The following TANC2 variants were observed in gnomAD, a reference collection of about 807,000 sequenced individuals.
The protein encoded by TANC2 is tetratricopeptide repeat, ankyrin repeat and coiled-coil containing 2.
A neutral mutation model predicts 210.5 loss-of-function variants in TANC2; 26 were observed. That is an observed-to-expected ratio of 0.12 (90% CI 0.09 to 0.17). TANC2 has a LOEUF of 0.17. Ranked by LOEUF, TANC2 falls within the 10% of genes least tolerant of loss-of-function variation. The pLI is 1.00. For synonymous variants in TANC2, 931 were observed against 967.1 expected, an observed-to-expected ratio of 0.96 and a Z score of 0.69; for missense variants, 2,129 against 2,608.9, an observed-to-expected ratio of 0.82 and a Z score of 4.01.
intron 21 of TANC2, 66 bp from the exon 22 acceptor site, chr17:63,411,444 GC>G: frequency 1.3e-6 from 2 of 1,484,678 alleles, no homozygotes; most frequent in Non-Finnish European, 1.8e-6. Context: ...TGCCCCTTCA[GC>G]GTACTTCCCC....
intron 4 of TANC2, among the ~76,000 whole-genome samples, chr17:63,129,632 A>G (rs2038845173): frequency 6.6e-6 from 1 of 152,118 alleles, no homozygotes; most frequent in African/African-American, 2.4e-5. Flanking sequence ...GAGGCTGAAC[A>G]TAAGTAGCTG....
chr17:63,188,655 G>A (rs1314990544), intron 5 of TANC2, among the ~76,000 whole-genome samples: 21 of 151,672 alleles, frequency 1.4e-4, no homozygotes. Context: ...TTCTCCCAGT[G>A]TCATTTTCCC....
chr17:63,235,172 TTTTC>T (rs748656452), intron 7 of TANC2, among the ~76,000 whole-genome samples: 135 of 152,270 alleles, frequency 8.9e-4, no homozygotes, highest in Non-Finnish European at 1.8e-3. Context: ...TTTGGAAAGA[TTTTC>T]TGAGTTTCAG....
intron 2 of TANC2, among the ~76,000 whole-genome samples, chr17:63,046,457 G>A (rs766455699): frequency 2.0e-5 from 3 of 147,208 alleles, no homozygotes; most frequent in Admixed American, 7.0e-5. Flanking sequence ...GCAGCCTCCC[G>A]AGTAGCTGAG....
intron 1 of TANC2, among the ~76,000 whole-genome samples, chr17:62,972,108 G>C (rs2143252356): frequency 6.6e-6 from 1 of 152,138 alleles, no homozygotes; most frequent in Non-Finnish European, 1.5e-5. Context: ...TTTTTTTCTA[G>C]AAGGGTCAAA....
intron 7 of TANC2, among the ~76,000 whole-genome samples, chr17:63,215,615 A>G (rs1257161901): frequency 6.6e-6 from 1 of 152,210 alleles, no homozygotes; most frequent in Non-Finnish European, 1.5e-5. Context: ...ACCCTAAATG[A>G]TGGGGTACAG....
intron 19 of TANC2, among the ~76,000 whole-genome samples, chr17:63,400,522 TTTGC>T (rs1446495434): frequency 6.6e-6 from 1 of 152,202 alleles, no homozygotes; most frequent in Non-Finnish European, 1.5e-5. Context: ...ACTTCATGTG[TTTGC>T]TTGTAATCAG....
At chr17:63,262,491 A>G (rs535385900) in intron 8 of TANC2, among the ~76,000 whole-genome samples, 3 of 152,226 alleles carry the variant, frequency 2.0e-5, no homozygotes, top group East Asian at 1.9e-4. Context: ...CACCCAGCTG[A>G]TATTTGTAAC....
intron 9 of TANC2, among the ~76,000 whole-genome samples, chr17:63,281,485 A>G (rs1023406538): frequency 3.9e-5 from 6 of 152,172 alleles, no homozygotes; most frequent in African/African-American, 1.4e-4. Flanking sequence ...CCAGAAGCTG[A>G]AAGAACTTTT....
chr17:63,146,603 A>G (rs564518870), intron 4 of TANC2, among the ~76,000 whole-genome samples: 49 of 152,196 alleles, frequency 3.2e-4, no homozygotes, highest in African/African-American at 1.0e-3. Flanking sequence ...GTCTGCCTCC[A>G]TACTGTTCTC....
intron 2 of TANC2, among the ~76,000 whole-genome samples, chr17:63,012,899 C>T (rs1478560811): frequency 6.6e-6 from 1 of 152,106 alleles, no homozygotes; most frequent in Non-Finnish European, 1.5e-5. Flanking sequence ...AAGTGATCTT[C>T]CTGCCTTGAC....
At position 63,399,727 on chromosome 17, in the gene TANC2, A is replaced by G. The variant is rs950341490; in HGVS notation, c.3331+813A>G. Among the ~76,000 whole-genome samples the G allele has an allele frequency of 9.9e-5, 15 of 152,210 alleles. 1 individual carries two copies. Among genetic ancestry groups the G allele is most frequent in the African/African-American group, 2.9e-4 (12 of 41,456 alleles). On this transcript the variant is annotated intron_variant, in intron 19 of 27. Coordinates refer to ENST00000689528, the Ensembl canonical transcript of TANC2. ...GAATATTTTACTAAACAAGAAGGGT[A>G]TGCATTTGGGTTAGGATAAGAGTGT...
At chr17:63,360,471 T>A (rs1454384373) in intron 14 of TANC2, among the ~76,000 whole-genome samples, 1 of 152,280 alleles carries the variant, frequency 6.6e-6, no homozygotes, top group East Asian at 1.9e-4. Context: ...ATTCACACTT[T>A]CAATTTTTTT....
chr17:63,265,181 A>T (rs540362098), intron 8 of TANC2, among the ~76,000 whole-genome samples: 2 of 152,294 alleles, frequency 1.3e-5, no homozygotes, highest in South Asian at 4.1e-4. Flanking sequence ...CAGATTCATA[A>T]GTTTTTGAGT....
chr17:63,196,383 G>A (rs144373776), intron 6 of TANC2, among the ~76,000 whole-genome samples: 1 of 152,244 alleles, frequency 6.6e-6, no homozygotes, highest in African/African-American at 2.4e-5. Context: ...GACTGTTATA[G>A]TAATGACCAG....
At chr17:63,308,391 G>C (rs2044998596) in intron 9 of TANC2, among the ~76,000 whole-genome samples, 1 of 151,962 alleles carries the variant, frequency 6.6e-6, no homozygotes, top group Admixed American at 6.6e-5. Flanking sequence ...GACTATTATA[G>C]TGAGTAGTAG....
At chr17:62,990,381 A>G (rs191501982) in intron 1 of TANC2, among the ~76,000 whole-genome samples, 2 of 152,088 alleles carry the variant, frequency 1.3e-5, no homozygotes, top group East Asian at 1.9e-4. Context: ...GGCATAAGCA[A>G]TCCTCCCACC....
At chr17:63,036,967 T>A (rs890257302) in intron 2 of TANC2, among the ~76,000 whole-genome samples, 1 of 152,008 alleles carries the variant, frequency 6.6e-6, no homozygotes, top group African/African-American at 2.4e-5. Context: ...TATGTACTTA[T>A]GTCTTTTTTT....
chr17:62,997,504 T>C (rs768479965), intron 1 of TANC2, among the ~76,000 whole-genome samples: 4 of 152,188 alleles, frequency 2.6e-5, no homozygotes, highest in South Asian at 4.1e-4. Context: ...TATGAACAGA[T>C]TTGTATTCAA....
Sources: gnomAD v4.1 joint callset for allele counts (sites outside exome capture counted in the v4.1 genomes callset) on GRCh38, gnomAD v4.1.1 for gene constraint, MANE v1.5 for transcripts, NCBI Gene and HGNC (gene_info 2026-07-23, HGNC 2026-07-21) for gene names.